Variants in HKDC1 observed in about 807,000 individuals in gnomAD.
HKDC1 encodes the protein hexokinase HKDC1.
HKDC1 carries 66 observed loss-of-function variants against 96.6 expected under a neutral mutation model. The ratio of observed to expected loss-of-function variants is 0.68; its 90% CI spans 0.56 to 0.84. The LOEUF (loss-of-function observed/expected upper bound fraction) is 0.84. Ranked by LOEUF, HKDC1 falls within the 40% of genes least tolerant of loss-of-function variation. The probability of loss-of-function intolerance (pLI) is 0.00; values close to 1 mark genes in which losing one functional copy is unlikely to be tolerated. For missense variants in HKDC1, 1,211 were observed against 1,208.1 expected, an observed-to-expected ratio of 1.00 and a Z score of -0.04; for synonymous variants, 466 against 473.1, an observed-to-expected ratio of 0.98 and a Z score of 0.20.
intron 1 of HKDC1, among the ~76,000 whole-genome samples, chr10:69,221,489 G>A (rs1216839423): frequency 6.6e-6 from 1 of 152,092 alleles, no homozygotes; most frequent in Non-Finnish European, 1.5e-5. Flanking sequence ...ATCTCTCAAA[G>A]TGCAGATGAC....
intron 16 of HKDC1, 136 bp from the exon 17 acceptor site, chr10:69,265,449 C>G: frequency 2.7e-6 from 2 of 729,866 alleles, no homozygotes; most frequent in Non-Finnish European, 2.3e-6. Context: ...GCATTCTGCT[C>G]CAGCCTAGCC....
At position 69,258,906 on chromosome 10, in the gene HKDC1, G is replaced by T; in HGVS notation, c.2163G>T (p.Trp721Cys). The change falls in exon 15 of 18, where the codon TGG (tryptophan) becomes TGT (cysteine). Residue 721 changes from tryptophan to cysteine, a missense_variant. Physicochemically the swap from Trp to Cys is radical, Grantham distance 215 (BLOSUM62 -2). Transcript: ENST00000354624. ...FGDNGCIDDI[W>C]TRYDTEVDEG... ...ACAATGGCTGCATAGATGACATCTG[G>T]ACCCGATACGACACGGAGGTGGATG... 1 of 1,606,818 alleles carries T rather than the reference G, an allele frequency of 6.2e-7. No homozygotes were observed. Among genetic ancestry groups the T allele is most frequent in the African/African-American group, 1.3e-5 (1 of 74,668 alleles).
intron 7 of HKDC1, among the ~76,000 whole-genome samples, chr10:69,243,754 C>T (rs1045588339): frequency 6.6e-6 from 1 of 152,182 alleles, no homozygotes; most frequent in Non-Finnish European, 1.5e-5. Flanking sequence ...GCCTCAGCCT[C>T]CCAAAGTGCT....
chr10:69,224,264 G>T (rs71507028), intron 1 of HKDC1, among the ~76,000 whole-genome samples: 40,395 of 151,668 alleles, frequency 0.27, 6,145 homozygotes, highest in Non-Finnish European at 0.35. Flanking sequence ...TAGAGTTTTA[G>T]TTTTATTTTT....
In HKDC1 at chr10:69,267,050, A is replaced by G. The variant is rs1843913759; in HGVS notation, c.*293A>G. ...TGTTCAGGTGAGGCTTGAGCTGTCA[A>G]TTCTCTATGGCTTTCAGTCTTGTGG... On this transcript the variant is annotated 3_prime_UTR_variant, in exon 18 of 18. Coordinates refer to ENST00000354624, the MANE Select transcript of HKDC1 (RefSeq NM_025130.4). 4 of 275,040 alleles carry G rather than the reference A, an allele frequency of 1.5e-5. No individual in the cohort carries two copies. Among genetic ancestry groups the G allele is most frequent in the Non-Finnish European group, 2.7e-5 (4 of 146,234 alleles). The allele number at this position is 275,040 out of a possible 1,614,324, so 17.0% of individuals were successfully genotyped here.
chr10:69,253,636 G>T (rs1223534993), intron 12 of HKDC1, among the ~76,000 whole-genome samples: 1 of 152,180 alleles, frequency 6.6e-6, no homozygotes, highest in East Asian at 1.9e-4. Context: ...TGCATAGCGT[G>T]GGTCTAGCAC....
At chr10:69,227,134 G>A in intron 1 of HKDC1, 73 bp from the exon 2 acceptor site, 8 of 1,538,310 alleles carry the variant, frequency 5.2e-6, no homozygotes, top group Non-Finnish European at 7.2e-6. Context: ...GCTGAGGGAT[G>A]TCGGGGGTTA....
intron 1 of HKDC1, among the ~76,000 whole-genome samples, chr10:69,224,745 G>C (rs1425093455): frequency 6.6e-6 from 1 of 152,208 alleles, no homozygotes; most frequent in Non-Finnish European, 1.5e-5. Context: ...CCCACCTTCT[G>C]CAATTCAGTC....
chr10:69,260,836 G>T (rs941739006), intron 15 of HKDC1, among the ~76,000 whole-genome samples: 2 of 152,192 alleles, frequency 1.3e-5, no homozygotes, highest in Non-Finnish European at 2.9e-5. Flanking sequence ...AATTTGCAGA[G>T]TGGAACAGAT....
At chr10:69,261,066 G>T in intron 15 of HKDC1, 73 bp from the exon 16 acceptor site, 1 of 1,424,096 alleles carries the variant, frequency 7.0e-7, no homozygotes. Flanking sequence ...TAGCTCCAAA[G>T]CCTGGCCTTC....
chr10:69,261,456 G>C (rs762750504), intron 16 of HKDC1, 162 bp downstream of exon 16: 1 of 630,214 alleles, frequency 1.6e-6, no homozygotes, highest in Non-Finnish European at 2.7e-6. Context: ...ATTCAGGATC[G>C]CTTTCAACAA....
In HKDC1 at chr10:69,243,334, G is replaced by T. The variant is rs1262930437; in HGVS notation, c.844G>T (p.Asp282Tyr). The T allele has an allele frequency of 6.9e-6, 11 of 1,604,250 alleles. No individual in the cohort carries two copies. Among genetic ancestry groups the T allele is most frequent in the Non-Finnish European group, 9.4e-6 (11 of 1,174,762 alleles). ...TCGCACTGAGTTCGACAGGGAGCTG[G>T]ACCTCGGCTCTCTCAACCCAGGAAA... ...DIRTEFDREL[D>Y]LGSLNPGKQL... Residue 282 changes from aspartate to tyrosine, a missense_variant, in exon 7 of 18, where the codon GAC (aspartate) becomes TAC (tyrosine). By Grantham distance (160) the Asp-to-Tyr change is radical. Coordinates refer to ENST00000354624, the MANE Select transcript of HKDC1 (RefSeq NM_025130.4).
chr10:69,255,788 G>A (rs1262391486), intron 12 of HKDC1, among the ~76,000 whole-genome samples: 11 of 151,946 alleles, frequency 7.2e-5, no homozygotes, highest in African/African-American at 2.4e-4. Flanking sequence ...GTGGTGGTGT[G>A]TGCCTGTAGT....
intron 4 of HKDC1, among the ~76,000 whole-genome samples, chr10:69,237,283 G>GTGTGTA (rs1024666426): frequency 6.1e-5 from 6 of 98,806 alleles, no homozygotes; most frequent in African/African-American, 2.8e-4. Flanking sequence ...TTCTTTGTGT[G>GTGTGTA]TGTGTGTGTG....
chr10:69,256,394 C>A (rs778857790), intron 12 of HKDC1, among the ~76,000 whole-genome samples: 16 of 152,212 alleles, frequency 1.1e-4, no homozygotes, highest in Non-Finnish European at 2.1e-4. Flanking sequence ...ACATTGTAAT[C>A]TGTCCTTGAC....
Position 69,247,698 on chromosome 10 carries a change from C to T in HKDC1, c.1265+105C>T, listed in dbSNP as rs192732468. On this transcript the variant is annotated intron_variant, in intron 9 of 17. Transcript: ENST00000354624. ...CTATCTGGGGTCTGGAACCAACAAC[C>T]CCTCTTGTTGGTTCTGAGATTACAA... 1,946 of 818,810 alleles carry T rather than the reference C, an allele frequency of 2.4e-3. 24 individuals carry two copies. The highest frequency in any genetic ancestry group is 4.8e-4 in the South Asian group (28 of 58,366). 50.7% of individuals were successfully genotyped at this position (818,810 alleles called of 1,614,324 possible). A position where few individuals can be genotyped will look rare whatever the true frequency, so the allele number is the denominator to read the frequency against.
intron 1 of HKDC1, among the ~76,000 whole-genome samples, chr10:69,224,824 C>T (rs1050303921): frequency 3.3e-5 from 5 of 152,164 alleles, no homozygotes; most frequent in Admixed American, 2.0e-4. Context: ...CTTGCTTAGA[C>T]GATATCTCCC....
At chr10:69,247,640 A>G in intron 9 of HKDC1, 47 bp downstream of exon 9, 1 of 1,481,346 alleles carries the variant, frequency 6.8e-7, no homozygotes, top group Non-Finnish European at 9.3e-7. Context: ...GTCTCCCTGG[A>G]GCAGGGCCCC....
rs1163781794 is a variant in HKDC1, at chr10:69,267,228, A to T, written c.*471A>T. The T allele has an allele frequency of 6.8e-6, 2 of 294,046 alleles. No homozygotes were observed. The highest frequency in any genetic ancestry group is 1.9e-4 in the East Asian group (2 of 10,516). The allele number at this position is 294,046 out of a possible 1,614,324, so 18.2% of individuals were successfully genotyped here. A position where few individuals can be genotyped will look rare whatever the true frequency, so the allele number is the denominator to read the frequency against. ...GGAACTCACGTTATGAACTAGGGGG[A>T]TCTCATCTAACTTGTCCTTAACTTG... On this transcript the variant is annotated 3_prime_UTR_variant, in exon 18 of 18. Coordinates refer to ENST00000354624, the MANE Select transcript of HKDC1 (RefSeq NM_025130.4).
Sources: gnomAD v4.1 joint callset for allele counts (sites outside exome capture counted in the v4.1 genomes callset) on GRCh38, gnomAD v4.1.1 for gene constraint, MANE v1.5 for transcripts, NCBI Gene and HGNC (gene_info 2026-07-23, HGNC 2026-07-21) for gene names.